The following DNAH14 variants were observed in gnomAD, a reference collection of about 807,000 sequenced individuals.
DNAH14 encodes the protein dynein axonemal heavy chain 14.
Under a neutral mutation model 520.9 loss-of-function variants are expected in DNAH14, and 478 were observed. That is an observed-to-expected ratio of 0.92 (90% CI 0.85 to 0.99). DNAH14 has a LOEUF of 0.99. DNAH14 is among the 50% of genes least tolerant of loss of function. The pLI is 0.00. For missense variants in DNAH14, 4,831 were observed against 5,234.5 expected (o/e 0.92, Z 2.38); for synonymous variants, 1,581 against 1,757.2 (o/e 0.90, Z 2.51).
At chr1:225,297,786 C>T (rs934141923) in intron 55 of DNAH14, among the ~76,000 whole-genome samples, 1 of 152,198 alleles carries the variant, frequency 6.6e-6, no homozygotes, top group African/African-American at 2.4e-5. Flanking sequence ...GGATCTGGCT[C>T]ACTTGGTTTG....
At chr1:225,022,918 A>G (rs2065823324) in intron 10 of DNAH14, among the ~76,000 whole-genome samples, 1 of 152,230 alleles carries the variant, frequency 6.6e-6, no homozygotes, top group Admixed American at 6.5e-5. Flanking sequence ...AGCCATGAAA[A>G]GAACGATATC....
intron 27 of DNAH14, among the ~76,000 whole-genome samples, chr1:225,126,788 A>C (rs1176550066): frequency 6.6e-6 from 1 of 151,716 alleles, no homozygotes; most frequent in East Asian, 1.9e-4. Flanking sequence ...TAGTTCTTTT[A>C]ATTGTGATGT....
intron 27 of DNAH14, among the ~76,000 whole-genome samples, chr1:225,127,396 AT>A (rs2077850704): frequency 6.6e-6 from 1 of 151,768 alleles, no homozygotes; most frequent in African/African-American, 2.4e-5. Context: ...GTGCTCCTGT[AT>A]TGGGTGCATA....
chr1:225,194,692 T>A (rs1356905931), intron 38 of DNAH14, among the ~76,000 whole-genome samples: 1 of 152,018 alleles, frequency 6.6e-6, no homozygotes, highest in East Asian at 1.9e-4. Flanking sequence ...AAAGAGCTGC[T>A]GCACAGAAAA....
chr1:225,305,506 G>T (rs1001070931), intron 58 of DNAH14, among the ~76,000 whole-genome samples: 6 of 152,102 alleles, frequency 3.9e-5, no homozygotes, highest in African/African-American at 1.2e-4. Flanking sequence ...GAGGAGGCAC[G>T]GGAAGAAACA....
intron 23 of DNAH14, among the ~76,000 whole-genome samples, chr1:225,101,847 T>G (rs996984432): frequency 2.0e-5 from 3 of 152,282 alleles, no homozygotes; most frequent in African/African-American, 7.2e-5. Context: ...TTCAGTATAC[T>G]GATTTCCTTT....
rs115602538 is a variant in DNAH14 at position 225,239,287 on chromosome 1, C to G, written c.6519-1306C>G. On this transcript the variant is annotated intron_variant, in intron 42 of 85. Transcript: ENST00000682510. ...TGCTCTGCCAAGATTCCCCACAGCT[C>G]TGTGTGTGGGACCCAAGCCCCTGGT... Among the ~76,000 whole-genome samples, 646 of 152,222 alleles carry G rather than the reference C, an allele frequency of 4.2e-3. 3 individuals carry two copies. Among genetic ancestry groups the G allele is most frequent in the African/African-American group, 0.015 (611 of 41,536 alleles).
intron 77 of DNAH14, among the ~76,000 whole-genome samples, chr1:225,369,143 AAAG>A (rs1175325239): frequency 6.6e-6 from 1 of 152,162 alleles, no homozygotes; most frequent in Non-Finnish European, 1.5e-5. Flanking sequence ...ACAAAGAAAA[AAAG>A]AAAATAAATA....
Position 224,972,551 on chromosome 1 carries a change from C to T in DNAH14, c.768-1540C>T, listed in dbSNP as rs568524653. Among the ~76,000 whole-genome samples, 18 of 151,144 alleles carry T rather than the reference C, an allele frequency of 1.2e-4. No homozygotes were observed. In the East Asian group the frequency reaches 1.4e-3, roughly 12 times the overall value. On this transcript the variant is annotated intron_variant, in intron 7 of 85. Coordinates refer to ENST00000682510, the MANE Select transcript of DNAH14 (RefSeq NM_001367479.1). ...CATGATCTCGGCTCACTGCAAGCTCCGCCTCCCGGGTTCACACGATTCTCC... is the reference window on the plus strand; with the variant it reads ...CATGATCTCGGCTCACTGCAAGCTCTGCCTCCCGGGTTCACACGATTCTCC...
Position 224,929,740 on chromosome 1 carries a change from C to G in DNAH14, c.-129C>G, listed in dbSNP as rs1054781573. ...GTAGGGCTGTGCTGCGCGGTCCTTC[C>G]CATTCACCCTAGTCTGGCGCTCGCC... On this transcript the variant is annotated 5_prime_UTR_variant, in exon 1 of 86. Transcript: ENST00000682510. The G allele has an allele frequency of 5.7e-6, 4 of 702,276 alleles. No homozygotes were observed. In the African/African-American group the frequency reaches 7.0e-5, roughly 12 times the overall value. The allele number at this position is 702,276 out of a possible 1,614,324, so 43.5% of individuals were successfully genotyped here. A position where few individuals can be genotyped will look rare whatever the true frequency, so the allele number is the denominator to read the frequency against.
intron 8 of DNAH14, among the ~76,000 whole-genome samples, chr1:224,986,277 G>A (rs1408081947): frequency 1.4e-5 from 2 of 145,688 alleles, no homozygotes; most frequent in Non-Finnish European, 3.0e-5. Context: ...CATTGTATGA[G>A]GACAGTATTA....
Position 225,168,986 on chromosome 1 carries a change from G to A in DNAH14, c.5535+958G>A, listed in dbSNP as rs1015933318. Among the ~76,000 whole-genome samples the A allele has an allele frequency of 2.0e-5, 3 of 152,152 alleles. No homozygotes were observed. The South Asian group carries it at 6.2e-4, about 32-fold the overall frequency. On this transcript the variant is annotated intron_variant, in intron 36 of 85. Coordinates refer to ENST00000682510, the MANE Select transcript of DNAH14 (RefSeq NM_001367479.1). ...GAACGATCTGGCAGCAACATCTGCT[G>A]TTCCCCAATATTTACTGTTCTGCAG... is the stretch of plus-strand genomic sequence containing the variant.
At chr1:225,105,989 C>G (rs1325406901) in intron 23 of DNAH14, among the ~76,000 whole-genome samples, 1 of 133,734 alleles carries the variant, frequency 7.5e-6, no homozygotes, top group Non-Finnish European at 1.5e-5. Context: ...ATGGTCTTTA[C>G]AATTTGGCAT....
At chr1:225,080,849 A>C in intron 19 of DNAH14, 101 bp downstream of exon 19, 3 of 1,271,588 alleles carry the variant, frequency 2.4e-6, no homozygotes, top group Non-Finnish European at 3.2e-6. Flanking sequence ...ACCCATTCTC[A>C]GGTTGACCAT....
intron 23 of DNAH14, among the ~76,000 whole-genome samples, chr1:225,103,444 G>C (rs139246217): frequency 0.073 from 11,103 of 152,126 alleles, 631 homozygotes; most frequent in East Asian, 0.24. Flanking sequence ...TTGGTAGCTT[G>C]ATGGGGATGG....
At chr1:225,140,651 TTACA>T in intron 27 of DNAH14, 113 bp from the exon 28 acceptor site, 1 of 853,462 alleles carries the variant, frequency 1.2e-6, no homozygotes, top group Non-Finnish European at 1.7e-6. Flanking sequence ...ACACAAACAC[TTACA>T]TACACACCAC....
At chr1:225,171,509 T>A (rs1286469040) in intron 36 of DNAH14, among the ~76,000 whole-genome samples, 3 of 151,974 alleles carry the variant, frequency 2.0e-5, no homozygotes, top group Admixed American at 1.3e-4. Flanking sequence ...CAAATAACCT[T>A]GAAAATCTAG....
rs1297262249 is a variant in DNAH14, at chr1:225,318,629, C to G, written c.9287C>G (p.Ala3096Gly). Reference sequence around the variant, plus strand: ...AGTGTGCTGCCAGCCTTTGACAAGGCAATTGTGGCTCTGAATGCCCTGGAT... The same window carrying G: ...AGTGTGCTGCCAGCCTTTGACAAGGGAATTGTGGCTCTGAATGCCCTGGAT... ...LKSVLPAFDK[A>G]IVALNALDKA... The change falls in exon 61 of 86, where the codon GCA (alanine) becomes GGA (glycine). Residue 3096 changes from alanine to glycine, a missense_variant. By Grantham distance (60) the Ala-to-Gly change is moderately conservative (BLOSUM62 0). Coordinates refer to ENST00000682510, the MANE Select transcript of DNAH14 (RefSeq NM_001367479.1). 19 of 1,549,986 alleles carry G rather than the reference C, an allele frequency of 1.2e-5. No homozygotes were observed. The highest frequency in any genetic ancestry group is 1.1e-5 in the Non-Finnish European group (13 of 1,146,176).
chr1:225,399,286 ATTTTAAT>A, downstream of DNAH14: 1 of 1,533,212 alleles, frequency 6.5e-7, no homozygotes, highest in Non-Finnish European at 8.8e-7. Flanking sequence ...ATATCAAACC[ATTTTAAT>A]TTTTGACTCT....
Sources: gnomAD v4.1 joint callset for allele counts (sites outside exome capture counted in the v4.1 genomes callset) on GRCh38, gnomAD v4.1.1 for gene constraint, MANE v1.5 for transcripts, NCBI Gene and HGNC (gene_info 2026-07-23, HGNC 2026-07-21) for gene names.